PDCD7: variants seen among roughly 807,000 people sequenced by gnomAD.
PDCD7 encodes the protein programmed cell death 7.
Under a neutral mutation model 42.1 loss-of-function variants are expected in PDCD7, and 40 were observed. The ratio of observed to expected loss-of-function variants is 0.95; its 90% CI spans 0.74 to 1.24. The LOEUF (loss-of-function observed/expected upper bound fraction) is 1.24. PDCD7 is among the 50% of genes most tolerant of loss of function. PDCD7 has a pLI of 0.00. For synonymous variants in PDCD7, 299 were observed against 303.3 expected, an observed-to-expected ratio of 0.99 and a Z score of 0.15; for missense variants, 644 against 662.8, an observed-to-expected ratio of 0.97 and a Z score of 0.31.
chr15:65,121,119 G>A (rs1448062048), intron 2 of PDCD7, among the ~76,000 whole-genome samples: 2 of 149,064 alleles, frequency 1.3e-5, no homozygotes, highest in Non-Finnish European at 3.0e-5. Context: ...GCAATGGTGC[G>A]ATCTCAGCTC....
chr15:65,130,994 T>C (rs931823807), intron 1 of PDCD7, among the ~76,000 whole-genome samples: 1 of 152,044 alleles, frequency 6.6e-6, no homozygotes, highest in Admixed American at 6.6e-5. Context: ...CTCCCACAGA[T>C]CTCTAAGCCA....
chr15:65,122,344 A>G (rs1018384929), intron 2 of PDCD7, among the ~76,000 whole-genome samples: 3 of 152,164 alleles, frequency 2.0e-5, no homozygotes, highest in African/African-American at 7.2e-5. Flanking sequence ...CTCCAAAAAA[A>G]TAAATTTAAA....
Position 65,133,487 on chromosome 15 carries a change from G to C in PDCD7, c.295C>G (p.Pro99Ala), listed in dbSNP as rs1452966271. 2 of 1,223,120 alleles carry C rather than the reference G, an allele frequency of 1.6e-6. No homozygotes were observed. The highest frequency in any genetic ancestry group is 4.1e-5 in the South Asian group (1 of 24,274). 75.8% of individuals were successfully genotyped at this position (1,223,120 alleles called of 1,614,324 possible). A position where few individuals can be genotyped will look rare whatever the true frequency, so the allele number is the denominator to read the frequency against. The change falls in exon 1 of 5, where the codon CCG (proline) becomes GCG (alanine). Residue 99 changes from proline (P) to alanine (A), a missense_variant. By Grantham distance (27) the Pro-to-Ala change is conservative. Transcript: ENST00000204549. Reference protein sequence around the residue: ...PPPPPQCRPFPGTDAGERPRP... With the variant: ...PPPPPQCRPFAGTDAGERPRP... ...GGCCGCTCGCCGGCGTCGGTCCCCG[G>C]GAAGGGCCGACACTGGGGCGGCGGA...
chr15:65,120,025 G>C, intron 2 of PDCD7, 71 bp from the exon 3 acceptor site: 1 of 1,493,244 alleles, frequency 6.7e-7, no homozygotes, highest in Non-Finnish European at 9.0e-7. Context: ...CTAACACCCA[G>C]GCTGGAGTAC....
chr15:65,131,498 C>T (rs1375401090), intron 1 of PDCD7, among the ~76,000 whole-genome samples: 2 of 152,160 alleles, frequency 1.3e-5, no homozygotes, highest in African/African-American at 4.8e-5. Context: ...CCTGTAATCC[C>T]AGCACTTTGG....
intron 2 of PDCD7, among the ~76,000 whole-genome samples, chr15:65,126,089 G>T (rs1303601283): frequency 6.6e-6 from 1 of 152,174 alleles, no homozygotes; most frequent in African/African-American, 2.4e-5. Context: ...AATTATGGGA[G>T]CTACAATTCA....
rs139727252 is a variant in PDCD7, at chr15:65,126,244, C to G, written c.1009+2788G>C. The stretch of plus-strand genomic sequence containing the variant: ...GACCTCTCTTGGTCTCTTTTTTGCT[C>G]TCTTCATCTTCTACCTTGATTTTGA... On this transcript the variant is annotated intron_variant, in intron 2 of 4. Transcript: ENST00000204549. 4.2e-3 allele frequency among the ~76,000 whole-genome samples: 646 copies of G among 152,132 alleles called. 6 individuals are homozygous for G. The highest frequency in any genetic ancestry group is 0.015 in the African/African-American group (622 of 41,516).
Position 65,133,548 on chromosome 15 carries a change from G to C in PDCD7, c.234C>G (p.Gly78=). The C allele has an allele frequency of 8.1e-7, 1 of 1,229,286 alleles. No homozygotes were observed. The highest frequency in any genetic ancestry group is 1.0e-6 in the Non-Finnish European group (1 of 986,360). The allele number at this position is 1,229,286 out of a possible 1,614,324, so 76.1% of individuals were successfully genotyped here. ...AEASRGGGGA[G]AFYPVPPPPL... ...GCGGTGGTGGCACCGGGTAGAAGGC[G>C]CCAGCGCCGCCTCCGCCGCGGGAGG... The change falls in exon 1 of 5, where the codon GGC becomes GGG. Residue 78 remains glycine, a synonymous_variant. Transcript: ENST00000204549.
chr15:65,129,915 ATTTTTTTTTTT>A (rs746709395), intron 1 of PDCD7, among the ~76,000 whole-genome samples: 16 of 84,956 alleles, frequency 1.9e-4, no homozygotes, highest in African/African-American at 5.1e-4. Context: ...GAAACTTTGT[ATTTTTTTTTTT>A]TTTTTTTTTT....
Position 65,119,366 on chromosome 15 carries a change from C to T in PDCD7, c.1334+10G>A. On this transcript the variant is annotated intron_variant, in intron 4 of 4. Coordinates refer to ENST00000204549, the MANE Select transcript of PDCD7 (RefSeq NM_005707.2). ...AGAGAAAGACAACATGGAGAGCCAG[C>T]CCCTCTGACCTGATCTGGATGAGCG... is the stretch of plus-strand genomic sequence containing the variant. 6.3e-7 allele frequency: 1 copy of T among 1,599,320 alleles called. No individual in the cohort carries two copies. Among genetic ancestry groups the T allele is most frequent in the Non-Finnish European group, 8.6e-7 (1 of 1,167,174 alleles).
At position 65,133,245 on chromosome 15, in the gene PDCD7, G is replaced by A. The variant is rs1374292574; in HGVS notation, c.537C>T (p.Leu179=). The part of the protein sequence containing the change: ...PSLGEVRARL[L]RALRLVRRLR... ...GCCGCCGCACCAGGCGCAGAGCCCGGAGCAATCGCGCGCGCACTTCGCCAA... is the reference window on the plus strand; with the variant it reads ...GCCGCCGCACCAGGCGCAGAGCCCGAAGCAATCGCGCGCGCACTTCGCCAA... Residue 179 remains leucine (L), a synonymous_variant, in exon 1 of 5, where the codon CTC becomes CTT. Transcript: ENST00000204549. The A allele has an allele frequency of 7.4e-6, 10 of 1,355,402 alleles. No individual in the cohort carries two copies. Among genetic ancestry groups the A allele is most frequent in the Non-Finnish European group, 7.5e-6 (8 of 1,062,166 alleles). 84.0% of individuals were successfully genotyped at this position (1,355,402 alleles called of 1,614,324 possible). A position where few individuals can be genotyped will look rare whatever the true frequency, so the allele number is the denominator to read the frequency against.
In PDCD7 at chr15:65,121,124, C is replaced by T. The variant is rs185029978; in HGVS notation, c.1010-1170G>A. Among the ~76,000 whole-genome samples, 8 of 149,000 alleles carry T rather than the reference C, an allele frequency of 5.4e-5. No homozygotes were observed. The East Asian group carries it at 1.4e-3, about 26-fold the overall frequency. On this transcript the variant is annotated intron_variant, in intron 2 of 4. Coordinates refer to ENST00000204549, the MANE Select transcript of PDCD7 (RefSeq NM_005707.2). ...AGGCTGGAGGGCAATGGTGCGATCTCAGCTCACTGCAAACTCCACGCATCC... is the reference window on the plus strand; with the variant it reads ...AGGCTGGAGGGCAATGGTGCGATCTTAGCTCACTGCAAACTCCACGCATCC...
rs1187643647 is a variant in PDCD7, at chr15:65,133,404, C to T, written c.378G>A (p.Pro126=). 2 of 1,184,548 alleles carry T rather than the reference C, an allele frequency of 1.7e-6. No individual in the cohort carries two copies. The highest frequency in any genetic ancestry group is 4.1e-5 in the South Asian group (1 of 24,158). 73.4% of individuals were successfully genotyped at this position (1,184,548 alleles called of 1,614,324 possible). A position where few individuals can be genotyped will look rare whatever the true frequency, so the allele number is the denominator to read the frequency against. Residue 126 remains proline, a synonymous_variant, in exon 1 of 5, where the codon CCG becomes CCA. Transcript: ENST00000204549. The part of the protein sequence containing the change: ...PPWSPRWPEA[P]PPPADVLGDA... ...CCCCGAGCACGTCGGCCGGCGGCGG[C>T]GGCGCCTCAGGCCACCGCGGGCTCC...
Position 65,133,266 on chromosome 15 carries a change from G to A in PDCD7, c.516C>T (p.Gly172=). 7.5e-7 allele frequency: 1 copy of A among 1,334,324 alleles called. No homozygotes were observed. Among genetic ancestry groups the A allele is most frequent in the Non-Finnish European group, 9.5e-7 (1 of 1,049,906 alleles). The allele number at this position is 1,334,324 out of a possible 1,614,324, so 82.7% of individuals were successfully genotyped here. A position where few individuals can be genotyped will look rare whatever the true frequency, so the allele number is the denominator to read the frequency against. ...CCCGGAGCAATCGCGCGCGCACTTC[G>A]CCAAGGCTGGGCCCGGCATGCGTGC... The part of the protein sequence containing the change: ...PQRTHAGPSL[G]EVRARLLRAL... The change falls in exon 1 of 5, where the codon GGC becomes GGT. Residue 172 remains glycine (G), a synonymous_variant. Transcript: ENST00000204549.
intron 1 of PDCD7, among the ~76,000 whole-genome samples, chr15:65,131,215 T>G (rs553925935): frequency 2.0e-5 from 3 of 152,262 alleles, no homozygotes; most frequent in Admixed American, 1.3e-4. Context: ...AGAAGTGAAC[T>G]GCGCATGGAA....
intron 3 of PDCD7, 70 bp from the exon 4 acceptor site, chr15:65,119,533 A>T: frequency 7.8e-7 from 1 of 1,286,088 alleles, no homozygotes; most frequent in Non-Finnish European, 1.1e-6. Context: ...AGGCAAGGTG[A>T]CTGAGCCTAT....
intron 2 of PDCD7, among the ~76,000 whole-genome samples, chr15:65,123,772 G>A (rs1018775558): frequency 6.6e-6 from 1 of 152,170 alleles, no homozygotes; most frequent in Non-Finnish European, 1.5e-5. Context: ...CTCAACTACA[G>A]AAACACTACA....
intron 2 of PDCD7, among the ~76,000 whole-genome samples, chr15:65,128,275 T>C (rs1003817433): frequency 1.3e-5 from 2 of 152,214 alleles, no homozygotes; most frequent in Non-Finnish European, 2.9e-5. Flanking sequence ...AACAGGAGGT[T>C]ACCTCAGCCC....
At chr15:65,132,773 G>A in intron 1 of PDCD7, 139 bp downstream of exon 1, 1 of 1,272,620 alleles carries the variant, frequency 7.9e-7, no homozygotes, top group South Asian at 1.5e-5. Flanking sequence ...ATGGTGGTAT[G>A]AGCTGGGAAG....
Sources: allele counts gnomAD v4.1 joint callset (sites outside exome capture counted in the v4.1 genomes callset), GRCh38; gene constraint gnomAD v4.1.1; transcripts MANE v1.5; gene names NCBI Gene and HGNC (gene_info 2026-07-23, HGNC 2026-07-21).